The following PHF24 variants were observed in gnomAD, a reference collection of about 807,000 sequenced individuals.
The protein encoded by PHF24 is Galpha inhibitory interacting protein.
Under a neutral mutation model 42.6 loss-of-function variants are expected in PHF24, and 25 were observed. The observed-to-expected ratio is 0.59, with a 90% CI of 0.43 to 0.82. The LOEUF (loss-of-function observed/expected upper bound fraction) is 0.82, where lower values mean the gene tolerates loss of function less well. Ranked by LOEUF, PHF24 falls within the 40% of genes least tolerant of loss-of-function variation. PHF24 has a pLI of 0.00. For synonymous variants in PHF24, 185 were observed against 204.8 expected (o/e 0.90, Z 0.83); for missense variants, 470 against 538.1 (o/e 0.87, Z 1.25).
the PHF24 span, among the ~76,000 whole-genome samples, chr9:34,846,331 G>A: frequency 6.6e-6 from 1 of 151,778 alleles, no homozygotes; most frequent in East Asian, 1.9e-4. Context: ...GTTTTGATTT[G>A]CATTTCTCTG....
the PHF24 span, chr9:34,837,570 C>A: frequency 9.3e-7 from 1 of 1,078,164 alleles, no homozygotes; most frequent in South Asian, 1.4e-5. Context: ...GCACCTGGCT[C>A]TTGGCTCCAG....
At chr9:34,849,246 G>T in the PHF24 span, among the ~76,000 whole-genome samples, 2 of 152,022 alleles carry the variant, frequency 1.3e-5, no homozygotes, top group Non-Finnish European at 2.9e-5. Context: ...AAGTCTCTTT[G>T]TAGGTCACTC....
chr9:34,935,484 T>C, the PHF24 span, among the ~76,000 whole-genome samples: 1 of 151,322 alleles, frequency 6.6e-6, no homozygotes, highest in Non-Finnish European at 1.5e-5. Context: ...GTCCCAGCTA[T>C]TTGGAAGGCT....
At chr9:34,835,943 C>T in the PHF24 span, 2 of 739,264 alleles carry the variant, frequency 2.7e-6, no homozygotes, top group Non-Finnish European at 4.9e-6. Flanking sequence ...TAGTCATTCT[C>T]ATCCGCCAGC....
At chr9:34,968,464 C>T (rs1031394634) in intron 1 of PHF24, among the ~76,000 whole-genome samples, 1 of 152,224 alleles carries the variant, frequency 6.6e-6, no homozygotes, top group African/African-American at 2.4e-5. Context: ...TATTTAAAGT[C>T]AATGTTCCTT....
the PHF24 span, among the ~76,000 whole-genome samples, chr9:34,811,780 AAAG>A: frequency 3.3e-5 from 5 of 152,216 alleles, no homozygotes; most frequent in Admixed American, 3.3e-4. Context: ...ATGAGTAACA[AAAG>A]AAAAAACAGA....
chr9:34,823,402 G>C, the PHF24 span, among the ~76,000 whole-genome samples: 1 of 151,996 alleles, frequency 6.6e-6, no homozygotes, highest in Non-Finnish European at 1.5e-5. Context: ...TTGTCCCTTT[G>C]CCCTTGGTCA....
At chr9:34,742,023 T>G in the PHF24 span, among the ~76,000 whole-genome samples, 3 of 152,196 alleles carry the variant, frequency 2.0e-5, no homozygotes, top group Non-Finnish European at 4.4e-5. Context: ...GTATAAAAGA[T>G]CTGCCAGTGA....
the PHF24 span, among the ~76,000 whole-genome samples, chr9:34,854,196 A>ATTTTTTT: frequency 1.9e-5 from 2 of 106,664 alleles, no homozygotes; most frequent in Non-Finnish European, 3.8e-5. Context: ...CAGTCTATCT[A>ATTTTTTT]TTTTTTTTTT....
chr9:34,936,100 G>T, the PHF24 span, among the ~76,000 whole-genome samples: 1 of 139,550 alleles, frequency 7.2e-6, no homozygotes, highest in Admixed American at 7.2e-5. Context: ...CTCTTTCCAC[G>T]GTCTCCCTCT....
chr9:34,728,205 T>G, the PHF24 span: 1 of 803,558 alleles, frequency 1.2e-6, no homozygotes, highest in Non-Finnish European at 2.0e-6. Context: ...AAGTCCGTAC[T>G]CTAAGGCATG....
At chr9:34,835,557 G>C in the PHF24 span, 1 of 1,551,708 alleles carries the variant, frequency 6.4e-7, no homozygotes, top group Non-Finnish European at 8.7e-7. Context: ...TGCTGGCCTT[G>C]GTTTCCCTGG....
chr9:34,672,897 C>T, the PHF24 span, among the ~76,000 whole-genome samples: 4 of 152,208 alleles, frequency 2.6e-5, no homozygotes, highest in East Asian at 7.7e-4. Flanking sequence ...GCCTTGAACT[C>T]CTGGTCTCAG....
chr9:34,785,796 A>G, the PHF24 span, among the ~76,000 whole-genome samples: 1 of 152,114 alleles, frequency 6.6e-6, no homozygotes, highest in Non-Finnish European at 1.5e-5. Context: ...TCCTTTCTGG[A>G]GAGGGTTTCC....
chr9:34,763,109 T>C, the PHF24 span, among the ~76,000 whole-genome samples: 7 of 152,214 alleles, frequency 4.6e-5, no homozygotes, highest in Admixed American at 6.5e-5. Context: ...AGCCTTGTAG[T>C]ATAGTTTGAA....
chr9:34,844,641 A>G, the PHF24 span, among the ~76,000 whole-genome samples: 1 of 152,310 alleles, frequency 6.6e-6, no homozygotes, highest in East Asian at 1.9e-4. Context: ...TTGAGGTTGG[A>G]AAAGATACTT....
chr9:34,942,394 T>C, the PHF24 span, among the ~76,000 whole-genome samples: 2 of 152,328 alleles, frequency 1.3e-5, no homozygotes, highest in African/African-American at 4.8e-5. Context: ...AACAAACTTC[T>C]AATGATCCCT....
the PHF24 span, among the ~76,000 whole-genome samples, chr9:34,930,544 C>T: frequency 3.4e-4 from 51 of 152,206 alleles, no homozygotes; most frequent in Admixed American, 2.1e-3. Flanking sequence ...TGGAAGGAAG[C>T]GAAGGAGCCC....
intron 4 of PHF24, 29 bp from the exon 5 acceptor site, chr9:34,976,506 G>A (rs1377755682): frequency 6.3e-7 from 1 of 1,595,860 alleles, no homozygotes. Flanking sequence ...GGAAGGATGG[G>A]CATGGCTAGC....
Sources: allele counts gnomAD v4.1 joint callset (sites outside exome capture counted in the v4.1 genomes callset), GRCh38; gene constraint gnomAD v4.1.1; transcripts MANE v1.5; gene names NCBI Gene and HGNC (gene_info 2026-07-23, HGNC 2026-07-21).